The following STK32C variants were observed in gnomAD, a reference collection of about 807,000 sequenced individuals.
STK32C encodes the protein serine/threonine-protein kinase 32C.
STK32C carries 31 observed loss-of-function variants against 56.5 expected under a neutral mutation model. That is an observed-to-expected ratio of 0.55 (90% CI 0.41 to 0.74). STK32C has a LOEUF of 0.74. STK32C is among the 30% of genes least tolerant of loss of function. The probability of loss-of-function intolerance (pLI) is 0.00; values close to 1 mark genes in which losing one functional copy is unlikely to be tolerated. For synonymous variants in STK32C, 309 were observed against 289.4 expected (o/e 1.07, Z -0.69); for missense variants, 544 against 676.9 (o/e 0.80, Z 2.18).
exon 1 of STK32C, chr10:132,331,816 A>T: frequency 1.3e-6 from 2 of 1,571,754 alleles, no homozygotes; most frequent in South Asian, 2.2e-5. Context: ...GTCGACCACC[A>T]CCCCTTCAAG....
intron 2 of STK32C, among the ~76,000 whole-genome samples, chr10:132,230,383 G>A (rs900120900): frequency 1.3e-5 from 2 of 152,214 alleles, no homozygotes; most frequent in Non-Finnish European, 2.9e-5. Flanking sequence ...AGGCCGAGGA[G>A]TCCCGTGCCC....
chr10:132,280,778 TGTGATCACGCCACTGCACCCC>T (rs1034453800), intron 1 of STK32C, among the ~76,000 whole-genome samples: 3 of 120,304 alleles, frequency 2.5e-5, no homozygotes, highest in African/African-American at 6.4e-5. Context: ...GCCTCCACTC[TGTGATCACGCCACTGCACCCC>T]GTGATCACAC....
intron 1 of STK32C, chr10:132,324,450 C>A: frequency 1.4e-6 from 1 of 693,434 alleles, no homozygotes; most frequent in South Asian, 1.6e-5. Flanking sequence ...TTTCAGTTGT[C>A]ACATTGTATG....
At chr10:132,225,927 A>G in intron 4 of STK32C, 143 bp from the exon 5 acceptor site, 1 of 1,103,168 alleles carries the variant, frequency 9.1e-7, no homozygotes, top group Admixed American at 1.8e-5. Flanking sequence ...TGGTCCTTGG[A>G]TGATGCTAGG....
At chr10:132,257,332 C>G (rs949447928) in intron 1 of STK32C, among the ~76,000 whole-genome samples, 6 of 152,034 alleles carry the variant, frequency 3.9e-5, no homozygotes, top group African/African-American at 1.4e-4. Context: ...CCCTCCCACA[C>G]CCGTGCCACT....
At chr10:132,286,809 A>G (rs1441093812) in intron 1 of STK32C, among the ~76,000 whole-genome samples, 1 of 152,230 alleles carries the variant, frequency 6.6e-6, no homozygotes, top group African/African-American at 2.4e-5. Flanking sequence ...AGTAAATAAT[A>G]AAATGTTGAC....
rs368272409 is a variant in STK32C at position 132,276,003 on chromosome 10, G to A, written c.263-30048C>T. Among the ~76,000 whole-genome samples, 17 of 152,084 alleles carry A rather than the reference G, an allele frequency of 1.1e-4. No individual in the cohort carries two copies. In the East Asian group the frequency reaches 1.2e-3, roughly 10 times the overall value. On this transcript the variant is annotated intron_variant, in intron 1 of 11. Coordinates refer to ENST00000298630, the MANE Select transcript of STK32C (RefSeq NM_173575.4). Reference sequence around the variant, plus strand: ...TGCGGAACGGTCACAGTGAAGGCCCGCGAGGATGGAAGACCCCCAAGCCGC... The same window carrying A: ...TGCGGAACGGTCACAGTGAAGGCCCACGAGGATGGAAGACCCCCAAGCCGC...
intron 1 of STK32C, among the ~76,000 whole-genome samples, chr10:132,293,575 G>C (rs535123588): frequency 4.6e-5 from 7 of 152,384 alleles, no homozygotes; most frequent in African/African-American, 1.7e-4. Flanking sequence ...GGCCAGGGGA[G>C]CAAGGCAGCC....
At chr10:132,312,915 C>G (rs1417545097), upstream of STK32C, among the ~76,000 whole-genome samples, 1 of 152,190 alleles carries the variant, frequency 6.6e-6, no homozygotes, top group African/African-American at 2.4e-5. Context: ...TGGCACACGC[C>G]TGTAATACCA....
downstream of STK32C, among the ~76,000 whole-genome samples, chr10:132,319,989 G>A (rs1426385247): frequency 6.1e-5 from 9 of 148,494 alleles, no homozygotes; most frequent in Admixed American, 2.0e-4. Context: ...CCAGGTTCAA[G>A]CAACAATGAG....
intron 1 of STK32C, among the ~76,000 whole-genome samples, chr10:132,274,888 G>C (rs927134984): frequency 1.3e-5 from 2 of 152,216 alleles, no homozygotes; most frequent in Non-Finnish European, 2.9e-5. Flanking sequence ...CCTTCAGTGA[G>C]AGCCTTAAAT....
At chr10:132,262,841 A>C (rs1187526464) in intron 1 of STK32C, among the ~76,000 whole-genome samples, 4 of 152,176 alleles carry the variant, frequency 2.6e-5, no homozygotes, top group Admixed American at 2.0e-4. Context: ...TATGAAAAAC[A>C]TGCCCCACAT....
At position 132,214,300 on chromosome 10, in the gene STK32C, A is replaced by G. The variant is rs1312311833; in HGVS notation, c.1252-5199T>C. Among the ~76,000 whole-genome samples the G allele has an allele frequency of 3.3e-5, 5 of 152,288 alleles. No individual in the cohort carries two copies. The East Asian group carries it at 9.6e-4, about 29-fold the overall frequency. On this transcript the variant is annotated intron_variant, in intron 10 of 11. Coordinates refer to ENST00000298630, the MANE Select transcript of STK32C (RefSeq NM_173575.4). ...GGGTGGCGAGGAATTCTACTTACAG[A>G]AAAAGAATTAGAGCAGACTGCCTGT...
chr10:132,310,968 C>T (rs1422751166), upstream of STK32C, among the ~76,000 whole-genome samples: 1 of 152,148 alleles, frequency 6.6e-6, no homozygotes, highest in African/African-American at 2.4e-5. This position sits in a 1 kb window ranked among gnomAD's most constrained non-coding sequence, Gnocchi z 4.6. Context: ...CAGGAGGGTC[C>T]ATGCTGCAGG....
At chr10:132,305,064 C>T (rs1281479286) in intron 1 of STK32C, among the ~76,000 whole-genome samples, 3 of 152,148 alleles carry the variant, frequency 2.0e-5, no homozygotes, top group African/African-American at 4.8e-5. Context: ...GCTCGCCCAA[C>T]GCCATGCAGC....
intron 1 of STK32C, among the ~76,000 whole-genome samples, chr10:132,295,606 C>A (rs1466384573): frequency 2.0e-5 from 3 of 152,244 alleles, no homozygotes; most frequent in Non-Finnish European, 4.4e-5. Context: ...GAATTCCAGG[C>A]CGGGCGCAGT....
At chr10:132,237,108 C>T (rs576878625) in intron 2 of STK32C, among the ~76,000 whole-genome samples, 58 of 152,342 alleles carry the variant, frequency 3.8e-4, no homozygotes, top group African/African-American at 1.2e-3. Flanking sequence ...CTGTTGAGAC[C>T]GGAGCTGCCA....
chr10:132,259,319 G>C (rs1285518059), intron 1 of STK32C, among the ~76,000 whole-genome samples: 1 of 152,190 alleles, frequency 6.6e-6, no homozygotes, highest in Non-Finnish European at 1.5e-5. Context: ...GATATGGTTT[G>C]GCTCTATGTC....
In STK32C at chr10:132,207,526, A is replaced by G. The variant is rs200162584; in HGVS notation, c.*484T>C. ...CACATTGTAATTCTCAGAGGTGAAA[A>G]CTACAGAAATTGCTGGAGCAGTTTG... On this transcript the variant is annotated 3_prime_UTR_variant, in exon 12 of 12. Coordinates refer to ENST00000298630, the MANE Select transcript of STK32C (RefSeq NM_173575.4). 2 of 50,074 alleles carry G rather than the reference A, an allele frequency of 4.0e-5. No homozygotes were observed. Among genetic ancestry groups the G allele is most frequent in the African/African-American group, 6.5e-5 (1 of 15,322 alleles). 3.1% of individuals were successfully genotyped at this position (50,074 alleles called of 1,614,324 possible).
Sources: allele counts gnomAD v4.1 joint callset (sites outside exome capture counted in the v4.1 genomes callset), GRCh38; gene constraint gnomAD v4.1.1; non-coding constraint Gnocchi (gnomAD v3.1); transcripts MANE v1.5; gene names NCBI Gene and HGNC (gene_info 2026-07-23, HGNC 2026-07-21).